The following PTPRM variants were observed in gnomAD, a reference collection of about 807,000 sequenced individuals.
The protein encoded by PTPRM is protein tyrosine phosphatase receptor type M.
PTPRM carries 47 observed loss-of-function variants against 186.7 expected under a neutral mutation model. The observed-to-expected ratio is 0.25, with a 90% CI of 0.20 to 0.32. PTPRM has a LOEUF of 0.32. Among genes scored for constraint, PTPRM ranks in the 10% least tolerant of loss-of-function variants. The pLI, the probability that PTPRM is intolerant of heterozygous loss-of-function variation, is 1.00. For missense variants in PTPRM, 1,494 were observed against 1,865.0 expected, an observed-to-expected ratio of 0.80 and a Z score of 3.66; for synonymous variants, 668 against 674.9, an observed-to-expected ratio of 0.99 and a Z score of 0.16.
At chr18:7,809,979 T>C (rs1343961297) in intron 2 of PTPRM, among the ~76,000 whole-genome samples, 1 of 152,240 alleles carries the variant, frequency 6.6e-6, no homozygotes, top group Non-Finnish European at 1.5e-5. Context: ...GACAACAGAT[T>C]GTCCAGAGAG....
chr18:8,360,990 G>A (rs542600008), intron 23 of PTPRM: 3 of 152,200 alleles, frequency 2.0e-5, no homozygotes, highest in African/African-American at 7.2e-5. Context: ...CACATCCTTA[G>A]GACTGCTTAT....
chr18:7,916,226 A>T (rs934046875), intron 4 of PTPRM, among the ~76,000 whole-genome samples: 13 of 152,226 alleles, frequency 8.5e-5, no homozygotes, highest in Non-Finnish European at 1.8e-4. Context: ...ACAAAACTGC[A>T]CTTGGATCCC....
Position 8,066,340 on chromosome 18 carries a change from T to C in PTPRM, c.1133-3346T>C, listed in dbSNP as rs373107496. Among the ~76,000 whole-genome samples the C allele has an allele frequency of 2.7e-4, 41 of 152,312 alleles. No homozygotes were observed. The East Asian group carries it at 6.0e-3, about 22-fold the overall frequency. On this transcript the variant is annotated intron_variant, in intron 7 of 32. Transcript: ENST00000580170. ...GGCATTTCCTTTATGTTATTGTATGTATCTGCTTTTCCAGCCATTTCCCCA... is the reference window on the plus strand; with the variant it reads ...GGCATTTCCTTTATGTTATTGTATGCATCTGCTTTTCCAGCCATTTCCCCA...
intron 14 of PTPRM, among the ~76,000 whole-genome samples, chr18:8,239,867 T>C (rs970935406): frequency 1.3e-5 from 2 of 152,248 alleles, no homozygotes; most frequent in African/African-American, 4.8e-5. Flanking sequence ...CGTAAGAACC[T>C]TTAATTTAAT....
intron 4 of PTPRM, among the ~76,000 whole-genome samples, chr18:7,916,229 TG>T (rs1015809236): frequency 6.6e-6 from 1 of 152,196 alleles, no homozygotes; most frequent in African/African-American, 2.4e-5. Flanking sequence ...AAACTGCACT[TG>T]GATCCCTTAA....
intron 2 of PTPRM, among the ~76,000 whole-genome samples, chr18:7,806,230 T>A (rs2044228266): frequency 6.6e-6 from 1 of 152,154 alleles, no homozygotes; most frequent in South Asian, 2.1e-4. Context: ...TCAAATTTGG[T>A]CTGCAAATTC....
chr18:8,240,781 A>G (rs112573380), intron 14 of PTPRM, among the ~76,000 whole-genome samples: 1,565 of 25,812 alleles, frequency 0.061, 5 homozygotes, highest in African/African-American at 0.16. Flanking sequence ...AGAGAGGGAG[A>G]GAGAGAGAGA....
intron 7 of PTPRM, among the ~76,000 whole-genome samples, chr18:7,965,447 C>T (rs1247993418): frequency 6.6e-6 from 1 of 151,948 alleles, no homozygotes; most frequent in African/African-American, 2.4e-5. Context: ...TTCTCTTTTG[C>T]TCATTTGCAC....
At chr18:8,280,721 A>G (rs2094894100) in intron 19 of PTPRM, among the ~76,000 whole-genome samples, 1 of 152,132 alleles carries the variant, frequency 6.6e-6, no homozygotes, top group Non-Finnish European at 1.5e-5. Flanking sequence ...TGCAGACTAG[A>G]ATGTTTCTGC....
intron 1 of PTPRM, among the ~76,000 whole-genome samples, chr18:7,586,741 C>G (rs2036989800): frequency 6.6e-6 from 1 of 152,134 alleles, no homozygotes; most frequent in Non-Finnish European, 1.5e-5. Context: ...AAGTTCACAT[C>G]TGAAATTTGC....
At chr18:8,318,878 G>C (rs2095327798) in intron 21 of PTPRM, among the ~76,000 whole-genome samples, 1 of 152,230 alleles carries the variant, frequency 6.6e-6, no homozygotes, top group East Asian at 1.9e-4. Context: ...CACTTTGTAA[G>C]AGTAATGCTC....
intron 19 of PTPRM, among the ~76,000 whole-genome samples, chr18:8,271,530 T>A (rs2094771200): frequency 6.6e-6 from 1 of 152,036 alleles, no homozygotes; most frequent in South Asian, 2.1e-4. Context: ...CTTTTTAAAA[T>A]GAGTGGAATC....
intron 6 of PTPRM, among the ~76,000 whole-genome samples, chr18:7,949,702 G>T (rs547702024): frequency 2.6e-5 from 4 of 152,054 alleles, no homozygotes; most frequent in Non-Finnish European, 4.4e-5. Flanking sequence ...ATATTCATCA[G>T]CCAGCGTGTT....
chr18:8,376,726 G>C (rs1317642015), intron 26 of PTPRM, 129 bp downstream of exon 26: 1 of 1,084,728 alleles, frequency 9.2e-7, no homozygotes. Context: ...GGCATTCCCT[G>C]TTCCTTCCCT....
chr18:8,000,222 C>T (rs1568161939), intron 7 of PTPRM, among the ~76,000 whole-genome samples: 1 of 152,150 alleles, frequency 6.6e-6, no homozygotes, highest in Non-Finnish European at 1.5e-5. Context: ...ACCTTGTCAA[C>T]CTGACACATA....
Position 8,051,974 on chromosome 18 carries a change from G to A in PTPRM, c.1133-17712G>A, listed in dbSNP as rs576069479. On this transcript the variant is annotated intron_variant, in intron 7 of 32. Coordinates refer to ENST00000580170, the MANE Select transcript of PTPRM (RefSeq NM_001105244.2). ...TCTATTCTCTTTCATTAAAACAAAT[G>A]CCACTGTGATATGACCTAGGGATAC... Among the ~76,000 whole-genome samples, 12 of 152,068 alleles carry A rather than the reference G, an allele frequency of 7.9e-5. No homozygotes were observed. The South Asian group carries it at 2.5e-3, about 32-fold the overall frequency.
At chr18:8,033,323 C>T (rs1483626110) in intron 7 of PTPRM, among the ~76,000 whole-genome samples, 1 of 152,140 alleles carries the variant, frequency 6.6e-6, no homozygotes, top group African/African-American at 2.4e-5. Context: ...ATGTACTATA[C>T]ATACACTGTA....
intron 14 of PTPRM, among the ~76,000 whole-genome samples, chr18:8,202,859 A>G (rs2093876970): frequency 6.6e-6 from 1 of 152,046 alleles, no homozygotes; most frequent in Admixed American, 6.6e-5. Context: ...CTATTTGAAA[A>G]GCCTCCCAGC....
chr18:8,224,619 T>A (rs771462699), intron 14 of PTPRM, among the ~76,000 whole-genome samples: 1 of 152,212 alleles, frequency 6.6e-6, no homozygotes, highest in Non-Finnish European at 1.5e-5. Context: ...ACCTGGATTT[T>A]TATTCTGATC....
Sources: gnomAD v4.1 joint callset for allele counts (sites outside exome capture counted in the v4.1 genomes callset) on GRCh38, gnomAD v4.1.1 for gene constraint, MANE v1.5 for transcripts, NCBI Gene and HGNC (gene_info 2026-07-23, HGNC 2026-07-21) for gene names.